BLVRA: variants seen among roughly 807,000 people sequenced by gnomAD.
The protein encoded by BLVRA is BVR A.
Under a neutral mutation model 32.8 loss-of-function variants are expected in BLVRA, and 22 were observed. The ratio of observed to expected loss-of-function variants is 0.67; its 90% CI spans 0.48 to 0.96. The LOEUF (loss-of-function observed/expected upper bound fraction) is 0.96, where lower values mean the gene tolerates loss of function less well. Ranked by LOEUF, BLVRA falls within the 40% of genes least tolerant of loss-of-function variation. The pLI is 0.00. For missense variants in BLVRA, 323 were observed against 358.1 expected (o/e 0.90, Z 0.79); for synonymous variants, 119 against 141.3 (o/e 0.84, Z 1.12).
intron 1 of BLVRA, chr7:43,759,988 A>ATTTTTTTTTTTTT (rs57266558): frequency 8.2e-6 from 1 of 122,046 alleles, no homozygotes; most frequent in African/African-American, 3.3e-5. Context: ...TTCATATGTA[A>ATTTTTTTTTTTTT]TTTTTTTTTT....
At chr7:43,759,259 CTA>C (rs2095739735) in intron 1 of BLVRA, among the ~76,000 whole-genome samples, 1 of 152,268 alleles carries the variant, frequency 6.6e-6, no homozygotes, top group Non-Finnish European at 1.5e-5. Context: ...AAACTGGAAA[CTA>C]TCACTTATTT....
intron 6 of BLVRA, among the ~76,000 whole-genome samples, chr7:43,800,992 T>C (rs759916760): frequency 6.6e-6 from 1 of 151,902 alleles, no homozygotes; most frequent in Non-Finnish European, 1.5e-5. Context: ...AAATAATAAA[T>C]ATTTACTTAT....
At position 43,785,884 on chromosome 7, in the gene BLVRA, G is replaced by A. The variant is rs368166580; in HGVS notation, c.13-2020G>A. Among the ~76,000 whole-genome samples the A allele has an allele frequency of 2.8e-4, 43 of 152,158 alleles. No individual in the cohort carries two copies. In the South Asian group the frequency reaches 8.7e-3, roughly 31 times the overall value. On this transcript the variant is annotated intron_variant, in intron 2 of 7. Coordinates refer to ENST00000265523, the MANE Select transcript of BLVRA (RefSeq NM_000712.4). The stretch of plus-strand genomic sequence containing the variant: ...ATATAATATAAAATCCTTAACTTCT[G>A]AAAAAGAGTTATAGCTAATAGCCAA...
At chr7:43,770,459 A>G (rs2095753326) in intron 1 of BLVRA, among the ~76,000 whole-genome samples, 1 of 152,148 alleles carries the variant, frequency 6.6e-6, no homozygotes, top group Non-Finnish European at 1.5e-5. Context: ...TTGGCCTTCC[A>G]AATCAGAATC....
intron 7 of BLVRA, among the ~76,000 whole-genome samples, chr7:43,805,896 A>G (rs1323243286): frequency 6.6e-6 from 1 of 152,196 alleles, no homozygotes; most frequent in Non-Finnish European, 1.5e-5. Context: ...ACAATGTCAC[A>G]GCAAGATAGG....
chr7:43,787,833 C>A lies in BLVRA; in HGVS notation c.13-71C>A, dbSNP rs1363125963. 1.9e-6 allele frequency: 3 copies of A among 1,613,006 alleles called. No individual in the cohort carries two copies. Among genetic ancestry groups the A allele is most frequent in the Non-Finnish European group, 2.5e-6 (3 of 1,179,128 alleles). On this transcript the variant is annotated intron_variant, in intron 2 of 7. Transcript: ENST00000265523. This position sits in a 1 kb window ranked among gnomAD's most constrained non-coding sequence, Gnocchi z 4.5. ...CTTGCTCGTCGGGACCCTGCCAGCT[C>A]CTTTGTTTTGTAGTTTTCTGCTCGA... is the stretch of plus-strand genomic sequence containing the variant.
At chr7:43,798,197 CAAAAAAA>C (rs56855757) in intron 5 of BLVRA, among the ~76,000 whole-genome samples, 8 of 45,208 alleles carry the variant, frequency 1.8e-4, no homozygotes, top group Non-Finnish European at 2.4e-4. Context: ...CCCCATCTCA[CAAAAAAA>C]AAAAAAAAAA....
chr7:43,802,687 G>A (rs1179211762), intron 6 of BLVRA, among the ~76,000 whole-genome samples: 1 of 152,054 alleles, frequency 6.6e-6, no homozygotes, highest in Non-Finnish European at 1.5e-5. Context: ...TTTTTGTAGA[G>A]ACAGAGTCTT....
At chr7:43,796,107 G>A (rs1163367276) in intron 5 of BLVRA, among the ~76,000 whole-genome samples, 3 of 133,166 alleles carry the variant, frequency 2.3e-5, no homozygotes, top group South Asian at 2.3e-4. Context: ...GCAACAGAGC[G>A]AGACTCTGTC....
At chr7:43,790,227 G>A (rs1395836063) in intron 3 of BLVRA, among the ~76,000 whole-genome samples, 1 of 152,042 alleles carries the variant, frequency 6.6e-6, no homozygotes, top group Non-Finnish European at 1.5e-5. Context: ...GGAGGTGTAC[G>A]GACTGCTGGG....
chr7:43,776,876 G>C (rs2095761691), intron 2 of BLVRA, among the ~76,000 whole-genome samples: 1 of 152,132 alleles, frequency 6.6e-6, no homozygotes, highest in Non-Finnish European at 1.5e-5. Flanking sequence ...TTGTTGAATT[G>C]ATCCCTTTAT....
intron 7 of BLVRA, among the ~76,000 whole-genome samples, chr7:43,805,745 G>A (rs1307097719): frequency 1.3e-5 from 2 of 151,874 alleles, no homozygotes. Context: ...TTTTGAGACC[G>A]GGTTATGAGA....
intron 2 of BLVRA, among the ~76,000 whole-genome samples, chr7:43,777,626 G>A (rs1387132221): frequency 6.6e-6 from 1 of 152,162 alleles, no homozygotes; most frequent in Non-Finnish European, 1.5e-5. Context: ...ATGTCTTGGA[G>A]TTGCTTTTCT....
intron 1 of BLVRA, among the ~76,000 whole-genome samples, chr7:43,766,584 A>G (rs2095748181): frequency 6.6e-6 from 1 of 152,148 alleles, no homozygotes; most frequent in African/African-American, 2.4e-5. Flanking sequence ...TGGCCAGACA[A>G]TGGGGAGGAA....
rs977570281 is a variant in BLVRA, at chr7:43,787,097, A to ATTTT, written c.13-805_13-802dup. On this transcript the variant is annotated intron_variant, in intron 2 of 7. Coordinates refer to ENST00000265523, the MANE Select transcript of BLVRA (RefSeq NM_000712.4). The surrounding 1 kb of genome is among the most constrained non-coding windows in gnomAD (Gnocchi z 4.5). ...GCCAACAGGCCCAGCTAATTTTTGT[A>ATTTT]TTTTTAGTAGAGACGAGGTTTCTCC... Among the ~76,000 whole-genome samples, 6 of 152,018 alleles carry ATTTT rather than the reference A, an allele frequency of 3.9e-5. No homozygotes were observed. The highest frequency in any genetic ancestry group is 1.4e-4 in the African/African-American group (6 of 41,398).
intron 3 of BLVRA, among the ~76,000 whole-genome samples, chr7:43,790,194 C>G (rs1199665356): frequency 6.6e-6 from 1 of 152,030 alleles, no homozygotes; most frequent in Non-Finnish European, 1.5e-5. Flanking sequence ...GAGGGCTACT[C>G]TCCTGCCCCA....
At chr7:43,801,858 G>C (rs192978858) in intron 6 of BLVRA, among the ~76,000 whole-genome samples, 229 of 152,260 alleles carry the variant, frequency 1.5e-3, no homozygotes, top group Middle Eastern at 3.4e-3. Context: ...AACTAGGCTG[G>C]GCATAGTGGC....
intron 2 of BLVRA, among the ~76,000 whole-genome samples, chr7:43,779,173 C>T (rs1272284623): frequency 6.6e-6 from 1 of 152,242 alleles, no homozygotes; most frequent in Non-Finnish European, 1.5e-5. Flanking sequence ...GTCTGGCACT[C>T]CCTAGTGAGG....
At chr7:43,795,819 G>A (rs1437318018) in intron 5 of BLVRA, among the ~76,000 whole-genome samples, 1 of 151,682 alleles carries the variant, frequency 6.6e-6, no homozygotes, top group Non-Finnish European at 1.5e-5. Flanking sequence ...AGAAAAAAAA[G>A]AGTCGGCCGG....
Sources: allele counts gnomAD v4.1 joint callset (sites outside exome capture counted in the v4.1 genomes callset), GRCh38; gene constraint gnomAD v4.1.1; non-coding constraint Gnocchi (gnomAD v3.1); transcripts MANE v1.5; gene names NCBI Gene and HGNC (gene_info 2026-07-23, HGNC 2026-07-21).